Variants in APBB1 observed in about 807,000 individuals in gnomAD.
APBB1 encodes adaptor protein FE65a2.
Under a neutral mutation model 78.4 loss-of-function variants are expected in APBB1, and 22 were observed. The ratio of observed to expected loss-of-function variants is 0.28; its 90% CI spans 0.20 to 0.40. The LOEUF is 0.40. APBB1 is among the 10% of genes least tolerant of loss of function. APBB1 has a pLI of 1.00. For missense variants in APBB1, 749 were observed against 932.4 expected, an observed-to-expected ratio of 0.80 and a Z score of 2.56; for synonymous variants, 369 against 372.7, an observed-to-expected ratio of 0.99 and a Z score of 0.12.
intron 2 of APBB1, among the ~76,000 whole-genome samples, chr11:6,410,372 G>A (rs560827189): frequency 4.6e-5 from 7 of 152,302 alleles, no homozygotes; most frequent in Non-Finnish European, 1.0e-4. Flanking sequence ...TACCTAGTCA[G>A]TGCCCAGTAA....
chr11:6,410,215 T>C (rs12793274), intron 2 of APBB1, among the ~76,000 whole-genome samples: 2,529 of 152,320 alleles, frequency 0.017, 48 homozygotes, highest in Non-Finnish European at 0.026. Context: ...AGCTCTATTG[T>C]AATCTCAGCC....
intron 2 of APBB1, chr11:6,404,831 CCCT>C: frequency 6.5e-7 from 1 of 1,534,736 alleles, no homozygotes; most frequent in Non-Finnish European, 8.7e-7. Context: ...CCTCCACCCT[CCCT>C]CCTCACAGCC....
At chr11:6,407,528 G>A (rs765762163) in intron 2 of APBB1, among the ~76,000 whole-genome samples, 41 of 152,212 alleles carry the variant, frequency 2.7e-4, no homozygotes, top group Non-Finnish European at 5.4e-4. Context: ...CCTGCACAGT[G>A]CTTTTTAAAA....
chr11:6,405,008 G>T, intron 2 of APBB1: 13 of 1,425,592 alleles, frequency 9.1e-6, no homozygotes, highest in East Asian at 2.5e-5. Context: ...ATCTCCTTGG[G>T]GGGTGGGGAA....
intron 2 of APBB1, chr11:6,405,045 C>T (rs772700233): frequency 7.1e-7 from 1 of 1,414,376 alleles, no homozygotes; most frequent in Non-Finnish European, 9.2e-7. Flanking sequence ...GTTCATGAGA[C>T]CCCAGCCCCT....
In APBB1 at chr11:6,403,975, CT is replaced by C; in HGVS notation, c.722-154del. 2.5e-6 allele frequency: 2 copies of C among 796,702 alleles called. No homozygotes were observed. Among genetic ancestry groups the C allele is most frequent in the Non-Finnish European group, 3.7e-6 (2 of 539,778 alleles). The allele number at this position is 796,702 out of a possible 1,614,324, so 49.4% of individuals were successfully genotyped here. On this transcript the variant is annotated intron_variant, in intron 2 of 14. Coordinates refer to ENST00000609360, the MANE Select transcript of APBB1 (RefSeq NM_001164.5). This position sits in a 1 kb window ranked among gnomAD's most constrained non-coding sequence, Gnocchi z 5.3. Reference sequence around the variant, plus strand: ...CCTGCTTCTGCCTAGAGCCTATAGTCTGGAGTCACCACATGTGGGGCCACCA... The same window carrying C: ...CCTGCTTCTGCCTAGAGCCTATAGTCGGAGTCACCACATGTGGGGCCACCA...
Position 6,402,612 on chromosome 11 carries a change from G to A in APBB1, c.1218C>T (p.Asn406=). 4 of 1,614,132 alleles carry A rather than the reference G, an allele frequency of 2.5e-6. No homozygotes were observed. Among genetic ancestry groups the A allele is most frequent in the South Asian group, 1.1e-5 (1 of 91,082 alleles). Residue 406 remains asparagine (N), a synonymous_variant, in exon 7 of 15, where the codon AAC becomes AAT. Transcript: ENST00000609360. Reference sequence around the variant, plus strand: ...CCCCAGACATGGGGTCATGCAGGTTGTTTTTGTGGTAAGAGAGCTGACGGA... The same window carrying A: ...CCCCAGACATGGGGTCATGCAGGTTATTTTTGTGGTAAGAGAGCTGACGGA... The part of the protein sequence containing the change: ...NCIRQLSYHK[N]NLHDPMSGGW...
chr11:6,415,238 G>A lies in APBB1; in HGVS notation c.-15+3747C>T, dbSNP rs117985794. ...CAGGGAGTTGGGCAGGGGCCTCGGGGCAGGAAGTGAAAGAAGTAGTCACTA... is the reference window on the plus strand; with the variant it reads ...CAGGGAGTTGGGCAGGGGCCTCGGGACAGGAAGTGAAAGAAGTAGTCACTA... On this transcript the variant is annotated intron_variant, in intron 1 of 14. Transcript: ENST00000609360. 6.1e-3 allele frequency among the ~76,000 whole-genome samples: 923 copies of A among 152,318 alleles called. 5 individuals are homozygous for A. Among genetic ancestry groups the A allele is most frequent in the Non-Finnish European group, 0.01 (684 of 68,020 alleles).
chr11:6,406,320 C>T (rs1848797381), intron 2 of APBB1, among the ~76,000 whole-genome samples: 1 of 152,112 alleles, frequency 6.6e-6, no homozygotes, highest in African/African-American at 2.4e-5. Flanking sequence ...CTCACTTGCT[C>T]AGGAATCAGT....
At position 6,403,074 on chromosome 11, in the gene APBB1, G is replaced by T; in HGVS notation, c.1104+71C>A. On this transcript the variant is annotated intron_variant, in intron 6 of 14. Transcript: ENST00000609360. The surrounding 1 kb of genome is among the most constrained non-coding windows in gnomAD (Gnocchi z 5.3). ...GGGAACTGCGCTGAGACCCCTCAGA[G>T]CACAACATTAGGGGCTGTCTGACAA... is the stretch of plus-strand genomic sequence containing the variant. The T allele has an allele frequency of 6.9e-7, 1 of 1,445,410 alleles. No individual in the cohort carries two copies. Among genetic ancestry groups the T allele is most frequent in the Non-Finnish European group, 9.5e-7 (1 of 1,057,334 alleles). The allele number at this position is 1,445,410 out of a possible 1,614,324, so 89.5% of individuals were successfully genotyped here.
chr11:6,398,885 C>T (rs1017724906), intron 12 of APBB1, among the ~76,000 whole-genome samples: 3 of 152,166 alleles, frequency 2.0e-5, no homozygotes, highest in Non-Finnish European at 2.9e-5. Flanking sequence ...TAAAGATGAC[C>T]GGGGTTTGAC....
upstream of APBB1, chr11:6,419,104 C>CGCCCCGA: frequency 2.6e-6 from 1 of 378,312 alleles, no homozygotes. Context: ...CGCGGGGCCG[C>CGCCCCGA]GCCCCGAGCG....
In APBB1 at chr11:6,401,743, G is replaced by T; in HGVS notation, c.1389-55C>A. 1.3e-6 allele frequency: 2 copies of T among 1,592,144 alleles called. No homozygotes were observed. Among genetic ancestry groups the T allele is most frequent in the Non-Finnish European group, 1.7e-6 (2 of 1,160,694 alleles). Reference sequence around the variant, plus strand: ...CCAGTACCATCCAGTGCTGAGCCTGGTCCCCACCCCACCCACGTCCTCCCT... The same window carrying T: ...CCAGTACCATCCAGTGCTGAGCCTGTTCCCCACCCCACCCACGTCCTCCCT... On this transcript the variant is annotated intron_variant, in intron 9 of 14. Transcript: ENST00000609360. The surrounding 1 kb of genome is among the most constrained non-coding windows in gnomAD (Gnocchi z 4.5).
chr11:6,416,385 CA>C (rs1849116896), intron 1 of APBB1, among the ~76,000 whole-genome samples: 1 of 152,182 alleles, frequency 6.6e-6, no homozygotes, highest in Non-Finnish European at 1.5e-5. Context: ...TTCAGTTATA[CA>C]CTGATGATTT....
intron 2 of APBB1, chr11:6,404,691 T>C: frequency 6.5e-7 from 1 of 1,535,996 alleles, no homozygotes. Context: ...CTCTAACTCT[T>C]CTCTCCCTGT....
In APBB1 at chr11:6,404,542, C is replaced by T. The variant is rs554586819; in HGVS notation, c.722-720G>A. 215 of 1,516,626 alleles carry T rather than the reference C, an allele frequency of 1.4e-4. 2 individuals carry two copies. The South Asian group carries it at 2.3e-3, about 16-fold the overall frequency. 93.9% of individuals were successfully genotyped at this position (1,516,626 alleles called of 1,614,324 possible). A position where few individuals can be genotyped will look rare whatever the true frequency, so the allele number is the denominator to read the frequency against. On this transcript the variant is annotated intron_variant, in intron 2 of 14. Coordinates refer to ENST00000609360, the MANE Select transcript of APBB1 (RefSeq NM_001164.5). The stretch of plus-strand genomic sequence containing the variant: ...GCCAAATGTGTGCAGACACCACAGA[C>T]GCTCACTTCCTGACCCTTGCTGCAC...
chr11:6,411,151 T>G lies in APBB1; in HGVS notation c.197A>C (p.Asn66Thr). The change falls in exon 2 of 15, where the codon AAT becomes ACT. Residue 66 changes from asparagine (N) to threonine (T), a missense_variant. This residue lies in a region of APBB1 where 635 missense variants were observed against 765.0 expected (regional missense o/e 0.83). Coordinates refer to ENST00000609360, the MANE Select transcript of APBB1 (RefSeq NM_001164.5). The surrounding 1 kb of genome is among the most constrained non-coding windows in gnomAD (Gnocchi z 5.2). The part of the protein sequence containing the change: ...EGGGPEPGPA[N>T]AKWLKEGQNQ... Reference sequence around the variant, plus strand: ...CTGGCCCTCTTTTAGCCACTTGGCATTGGCAGGGCCTGGCTCAGGCCCACC... The same window carrying G: ...CTGGCCCTCTTTTAGCCACTTGGCAGTGGCAGGGCCTGGCTCAGGCCCACC... The G allele has an allele frequency of 1.2e-6, 2 of 1,609,932 alleles. No homozygotes were observed. The highest frequency in any genetic ancestry group is 2.2e-5 in the South Asian group (2 of 91,068).
Position 6,396,044 on chromosome 11 carries a change from C to G in APBB1, c.1788+56G>C. Reference sequence around the variant, plus strand: ...CCATCTTAGCAGCTCTTCCCCTCACCCCCAGTCTCCCCTCTATGGCAAGGC... The same window carrying G: ...CCATCTTAGCAGCTCTTCCCCTCACGCCCAGTCTCCCCTCTATGGCAAGGC... On this transcript the variant is annotated intron_variant, in intron 13 of 14. Coordinates refer to ENST00000609360, the MANE Select transcript of APBB1 (RefSeq NM_001164.5). The G allele has an allele frequency of 3.1e-6, 5 of 1,598,914 alleles. No individual in the cohort carries two copies. The East Asian group carries it at 1.1e-4, about 36-fold the overall frequency.
At chr11:6,407,094 A>T (rs542197511) in intron 2 of APBB1, among the ~76,000 whole-genome samples, 3 of 152,228 alleles carry the variant, frequency 2.0e-5, no homozygotes, top group Non-Finnish European at 4.4e-5. Context: ...AATAGGAAGG[A>T]GAATATAATT....
Sources: gnomAD v4.1 joint callset for allele counts (sites outside exome capture counted in the v4.1 genomes callset) on GRCh38, gnomAD v4.1.1 for gene constraint, gnomAD v4.1.1 regional missense constraint, Gnocchi (gnomAD v3.1) non-coding constraint, MANE v1.5 for transcripts, NCBI Gene and HGNC (gene_info 2026-07-23, HGNC 2026-07-21) for gene names.